The following YWHAG variants were observed in gnomAD, a reference collection of about 807,000 sequenced individuals.
YWHAG encodes tyrosine 3-monooxygenase/tryptophan 5-monooxygenase activation protein gamma.
A neutral mutation model predicts 23.3 loss-of-function variants in YWHAG; 1 was observed. The observed-to-expected ratio is 0.04, with a 90% CI of 0.02 to 0.20. The LOEUF is 0.20. Ranked by LOEUF, YWHAG falls within the 10% of genes least tolerant of loss-of-function variation. The probability of loss-of-function intolerance (pLI) is 1.00; values close to 1 mark genes in which losing one functional copy is unlikely to be tolerated. For synonymous variants in YWHAG, 160 were observed against 144.0 expected (o/e 1.11, Z -0.80); for missense variants, 151 against 338.6 (o/e 0.45, Z 4.35).
chr7:76,343,597 T>C (rs6465097), intron 1 of YWHAG, among the ~76,000 whole-genome samples: 98,197 of 152,154 alleles, frequency 0.65, 33,417 homozygotes, highest in East Asian at 0.94. Context: ...TTCCTCCTGA[T>C]TCTGTCATTC....
intron 1 of YWHAG, among the ~76,000 whole-genome samples, chr7:76,355,601 G>C (rs1180444227): frequency 6.6e-6 from 1 of 152,102 alleles, no homozygotes; most frequent in Non-Finnish European, 1.5e-5. Context: ...TACTCCATTA[G>C]TGATAATAGC....
rs2115586684 is a variant in YWHAG at position 76,329,486 on chromosome 7, C to CA, written c.*90_*91insT. On this transcript the variant is annotated 3_prime_UTR_variant, in exon 2 of 2. Transcript: ENST00000307630. This position sits in a 1 kb window ranked among gnomAD's most constrained non-coding sequence, Gnocchi z 6.1. ...TTCTCCCTGGGAAGGTCATCCCTCC[C>CA]TTTCCCTCCCCCACCCGACCCCCAA... is the stretch of plus-strand genomic sequence containing the variant. 3.6e-4 allele frequency: 404 copies of CA among 1,118,096 alleles called. No homozygotes were observed. The highest frequency in any genetic ancestry group is 4.3e-4 in the Non-Finnish European group (351 of 822,298). 69.3% of individuals were successfully genotyped at this position (1,118,096 alleles called of 1,614,324 possible). A position where few individuals can be genotyped will look rare whatever the true frequency, so the allele number is the denominator to read the frequency against.
rs145228191 is a variant in YWHAG, at chr7:76,350,701, G to A, written c.87+8021C>T. On this transcript the variant is annotated intron_variant, in intron 1 of 1. Coordinates refer to ENST00000307630, the MANE Select transcript of YWHAG (RefSeq NM_012479.4). ...TCTACTAAAAATACAAAAATTAGCCGGGCGTGGTGGTACATGCCTGTAATC... is the reference window on the plus strand; with the variant it reads ...TCTACTAAAAATACAAAAATTAGCCAGGCGTGGTGGTACATGCCTGTAATC... Among the ~76,000 whole-genome samples, 1,125 of 152,196 alleles carry A rather than the reference G, an allele frequency of 7.4e-3. 10 individuals are homozygous for A. Among genetic ancestry groups the A allele is most frequent in the East Asian group, 0.023 (120 of 5,178 alleles).
chr7:76,353,246 T>C (rs1346842107), intron 1 of YWHAG, among the ~76,000 whole-genome samples: 1 of 151,614 alleles, frequency 6.6e-6, no homozygotes, highest in Non-Finnish European at 1.5e-5. Flanking sequence ...GGAGTCTTGC[T>C]CTGTCACCCA....
intron 1 of YWHAG, among the ~76,000 whole-genome samples, chr7:76,336,976 T>C (rs1803625663): frequency 6.6e-6 from 1 of 152,194 alleles, no homozygotes; most frequent in Non-Finnish European, 1.5e-5. Flanking sequence ...ATGCAGACAG[T>C]GGATAAACCA....
In YWHAG at chr7:76,329,748, C is replaced by T. The variant is rs761827450; in HGVS notation, c.573G>A (p.Glu191=). The T allele has an allele frequency of 9.3e-6, 15 of 1,614,034 alleles. No homozygotes were observed. The South Asian group carries it at 1.3e-4, about 14-fold the overall frequency. The change falls in exon 2 of 2, where the codon GAG becomes GAA. Residue 191 remains glutamate, a synonymous_variant. Transcript: ENST00000307630. This position sits in a 1 kb window ranked among gnomAD's most constrained non-coding sequence, Gnocchi z 6.1. ...VFYYEIQNAP[E]QACHLAKTAF... ...CGGTCTTGGCCAAGTGGCACGCTTG[C>T]TCTGGGGCGTTCTGGATCTCATAGT... is the stretch of plus-strand genomic sequence containing the variant.
intron 1 of YWHAG, among the ~76,000 whole-genome samples, chr7:76,352,931 G>C (rs989247454): frequency 1.3e-5 from 2 of 152,144 alleles, no homozygotes; most frequent in African/African-American, 4.8e-5. Context: ...GATTACAGGC[G>C]TGAGCCACTA....
chr7:76,346,960 C>T (rs577777443), intron 1 of YWHAG, among the ~76,000 whole-genome samples: 5 of 152,318 alleles, frequency 3.3e-5, no homozygotes, highest in East Asian at 1.9e-4. Flanking sequence ...AAACAAATCA[C>T]GCCACCAGTT....
intron 1 of YWHAG, among the ~76,000 whole-genome samples, chr7:76,333,125 C>T (rs1803569765): frequency 6.6e-6 from 1 of 152,016 alleles, no homozygotes; most frequent in Non-Finnish European, 1.5e-5. Flanking sequence ...CATGCCACCA[C>T]ACCCAGCTAA....
At chr7:76,358,535 C>T (rs555278859) in intron 1 of YWHAG, among the ~76,000 whole-genome samples, 187 bp downstream of exon 1, 2 of 152,240 alleles carry the variant, frequency 1.3e-5, no homozygotes, top group Non-Finnish European at 2.9e-5. Flanking sequence ...ACGGGGACTC[C>T]GAAAAGAGGC....
intron 1 of YWHAG, among the ~76,000 whole-genome samples, chr7:76,345,764 G>A (rs1234505340): frequency 5.9e-5 from 9 of 151,900 alleles, no homozygotes; most frequent in South Asian, 2.1e-4. Flanking sequence ...GGTGAAACCC[G>A]TCTCTACTAA....
intron 1 of YWHAG, among the ~76,000 whole-genome samples, chr7:76,342,249 G>GT (rs1280800064): frequency 6.6e-6 from 1 of 152,160 alleles, no homozygotes; most frequent in Admixed American, 6.5e-5. Context: ...CCTGCCATGG[G>GT]TATCTGTCAT....
chr7:76,347,668 T>G (rs1803802295), intron 1 of YWHAG, among the ~76,000 whole-genome samples: 1 of 152,236 alleles, frequency 6.6e-6, no homozygotes, highest in Admixed American at 6.5e-5. Flanking sequence ...ATCTCTTTTC[T>G]TCCTTTGATC....
rs369946162 is a variant in YWHAG at position 76,331,593 on chromosome 7, G to A, written c.88-1360C>T. On this transcript the variant is annotated intron_variant, in intron 1 of 1. Coordinates refer to ENST00000307630, the MANE Select transcript of YWHAG (RefSeq NM_012479.4). Reference sequence around the variant, plus strand: ...CTCATCAACTATTGTTAGTGTTAGTGTATTTTATGTGTGGCCCAAGGGAAT... The same window carrying A: ...CTCATCAACTATTGTTAGTGTTAGTATATTTTATGTGTGGCCCAAGGGAAT... Among the ~76,000 whole-genome samples, 14 of 150,012 alleles carry A rather than the reference G, an allele frequency of 9.3e-5. No individual in the cohort carries two copies. The East Asian group carries it at 1.8e-3, about 19-fold the overall frequency.
At chr7:76,349,061 G>T (rs180739228) in intron 1 of YWHAG, among the ~76,000 whole-genome samples, 2 of 151,930 alleles carry the variant, frequency 1.3e-5, no homozygotes, top group Admixed American at 6.6e-5. Context: ...TCGTCTTCCC[G>T]GCCGGGTGTG....
At chr7:76,358,604 G>T in intron 1 of YWHAG, 118 bp downstream of exon 1, 2 of 1,030,072 alleles carry the variant, frequency 1.9e-6, no homozygotes, top group Non-Finnish European at 2.8e-6. Flanking sequence ...CCCTCAGTGA[G>T]CGAGACGGGG....
At chr7:76,351,986 G>A (rs1803882147) in intron 1 of YWHAG, among the ~76,000 whole-genome samples, 1 of 152,090 alleles carries the variant, frequency 6.6e-6, no homozygotes, top group African/African-American at 2.4e-5. Context: ...CCCAGGCCAG[G>A]CGGGCCCTCA....
chr7:76,330,066 G>A lies in YWHAG; in HGVS notation c.255C>T (p.Tyr85=). 1 of 1,614,120 alleles carries A rather than the reference G, an allele frequency of 6.2e-7. No individual in the cohort carries two copies. Among genetic ancestry groups the A allele is most frequent in the Non-Finnish European group, 8.5e-7 (1 of 1,180,038 alleles). Residue 85 remains tyrosine, a synonymous_variant, in exon 2 of 2, where the codon TAC becomes TAT. Transcript: ENST00000307630. ...NEKKIEMVRA[Y]REKIEKELEA... Reference sequence around the variant, plus strand: ...CCAACTCCTTCTCTATCTTCTCCCGGTACGCACGGACCATCTCAATCTTCT... The same window carrying A: ...CCAACTCCTTCTCTATCTTCTCCCGATACGCACGGACCATCTCAATCTTCT...
Position 76,358,866 on chromosome 7 carries a change from CT to C in YWHAG, c.-59del. The C allele has an allele frequency of 2.0e-6, 3 of 1,498,972 alleles. No homozygotes were observed. The highest frequency in any genetic ancestry group is 2.7e-6 in the Non-Finnish European group (3 of 1,109,852). 92.9% of individuals were successfully genotyped at this position (1,498,972 alleles called of 1,614,324 possible). On this transcript the variant is annotated 5_prime_UTR_variant, in exon 1 of 2. Coordinates refer to ENST00000307630, the MANE Select transcript of YWHAG (RefSeq NM_012479.4). ...GAGGACACTGGGGCGGCCTGAAGGGCTTGGAGGGCGCGACTGGAGCCCAAGT... is the reference window on the plus strand; with the variant it reads ...GAGGACACTGGGGCGGCCTGAAGGGCTGGAGGGCGCGACTGGAGCCCAAGT...
Sources: allele counts gnomAD v4.1 joint callset (sites outside exome capture counted in the v4.1 genomes callset), GRCh38; gene constraint gnomAD v4.1.1; non-coding constraint Gnocchi (gnomAD v3.1); transcripts MANE v1.5; gene names NCBI Gene and HGNC (gene_info 2026-07-23, HGNC 2026-07-21).